The following RNF13 variants were observed in gnomAD, a reference collection of about 807,000 sequenced individuals.
The protein encoded by RNF13 is ring finger protein 13.
RNF13 carries 19 observed loss-of-function variants against 37.7 expected under a neutral mutation model. That is an observed-to-expected ratio of 0.50 (90% confidence interval 0.35 to 0.74). The LOEUF is 0.74. Ranked by LOEUF, RNF13 falls within the 30% of genes least tolerant of loss-of-function variation. RNF13 has a pLI of 0.01. For missense variants in RNF13, 375 were observed against 453.0 expected (o/e 0.83, Z 1.56); for synonymous variants, 144 against 157.8 (o/e 0.91, Z 0.65).
chr3:149,838,719 C>T (rs1410323942), intron 1 of RNF13, among the ~76,000 whole-genome samples: 1 of 152,238 alleles, frequency 6.6e-6, no homozygotes, highest in Non-Finnish European at 1.5e-5. Context: ...GAGAGGCTGC[C>T]ATGACAACCT....
intron 4 of RNF13, among the ~76,000 whole-genome samples, chr3:149,888,935 G>A (rs935373936): frequency 1.3e-5 from 2 of 152,152 alleles, no homozygotes; most frequent in African/African-American, 2.4e-5. Context: ...AAACAACAAG[G>A]TAGCCAGATT....
intron 1 of RNF13, among the ~76,000 whole-genome samples, chr3:149,833,351 A>G (rs1382291498): frequency 6.6e-6 from 1 of 152,092 alleles, no homozygotes; most frequent in African/African-American, 2.4e-5. Flanking sequence ...ATCTCTTATG[A>G]CTGCTGATGT....
chr3:149,942,890 G>A (rs553071837), intron 8 of RNF13, among the ~76,000 whole-genome samples: 1 of 152,026 alleles, frequency 6.6e-6, no homozygotes, highest in Non-Finnish European at 1.5e-5. Flanking sequence ...CTAGTTTATT[G>A]AGTATTTGTG....
intron 8 of RNF13, among the ~76,000 whole-genome samples, chr3:149,941,716 T>C (rs141941168): frequency 6.6e-6 from 1 of 151,878 alleles, no homozygotes; most frequent in Admixed American, 6.6e-5. Flanking sequence ...TATTTTTTTC[T>C]TTTGTTGCCT....
At chr3:149,877,058 G>A (rs1049964379) in intron 4 of RNF13, among the ~76,000 whole-genome samples, 1 of 152,002 alleles carries the variant, frequency 6.6e-6, no homozygotes, top group African/African-American at 2.4e-5. Flanking sequence ...GGGATTACAG[G>A]CGTGAGCCAC....
chr3:149,862,226 T>C (rs1055126090), intron 3 of RNF13, among the ~76,000 whole-genome samples: 4 of 152,108 alleles, frequency 2.6e-5, no homozygotes, highest in African/African-American at 4.8e-5. Context: ...ATTGGACATT[T>C]AGATTGCTTT....
chr3:149,889,541 G>T (rs1714458989), intron 4 of RNF13, among the ~76,000 whole-genome samples: 2 of 149,722 alleles, frequency 1.3e-5, no homozygotes, highest in Non-Finnish European at 3.0e-5. Flanking sequence ...TTGACCTCGT[G>T]ATCTGCCCGA....
In RNF13 at chr3:149,911,983, A is replaced by G. The variant is rs1488679014; in HGVS notation, c.506A>G (p.His169Arg). The change falls in exon 7 of 10, where the codon CAC (histidine) becomes CGC (arginine). Residue 169 changes from histidine (H) to arginine (R), a missense_variant. By Grantham distance (29) the His-to-Arg change is conservative. Transcript: ENST00000392894. ...KDEFTYEKGG[H>R]LILVPEFSLP... ...TGATTTTTGTTTTCTTCTAGGGGCC[A>G]CCTTATCTTAGTTCCAGAATTTAGT... 1 of 1,542,792 alleles carries G rather than the reference A, an allele frequency of 6.5e-7. No individual in the cohort carries two copies. The highest frequency in any genetic ancestry group is 1.1e-5 in the South Asian group (1 of 88,512).
chr3:149,857,744 T>C (rs1226688726), intron 3 of RNF13, among the ~76,000 whole-genome samples: 2 of 152,228 alleles, frequency 1.3e-5, no homozygotes, highest in Non-Finnish European at 2.9e-5. Flanking sequence ...ACTCTATGCT[T>C]AGGAGGCCAA....
At chr3:149,827,759 G>C (rs1309596970) in intron 1 of RNF13, among the ~76,000 whole-genome samples, 20 of 152,150 alleles carry the variant, frequency 1.3e-4, no homozygotes, top group Admixed American at 1.3e-3. Context: ...CTTGTCAAGG[G>C]AGAGTGTGGT....
chr3:149,907,000 G>C (rs1286830965), intron 6 of RNF13, among the ~76,000 whole-genome samples: 1 of 152,054 alleles, frequency 6.6e-6, no homozygotes, highest in African/African-American at 2.4e-5. Flanking sequence ...CAAAATCTAT[G>C]TGAGATAAAC....
intron 8 of RNF13, among the ~76,000 whole-genome samples, chr3:149,942,189 A>C (rs1559966540): frequency 6.6e-6 from 1 of 152,216 alleles, no homozygotes; most frequent in East Asian, 1.9e-4. Flanking sequence ...TTGGCTATTC[A>C]TAGTCCCTTG....
intron 7 of RNF13, 138 bp downstream of exon 7, chr3:149,912,221 A>G (rs1717069099): frequency 5.8e-6 from 3 of 518,422 alleles, no homozygotes; most frequent in African/African-American, 3.9e-5. Context: ...AAGTTCTAGA[A>G]AAAACAAAGA....
At chr3:149,828,466 T>C (rs914657031) in intron 1 of RNF13, among the ~76,000 whole-genome samples, 2 of 152,208 alleles carry the variant, frequency 1.3e-5, no homozygotes, top group Non-Finnish European at 2.9e-5. Flanking sequence ...TTTGATATTT[T>C]GATAATCAAG....
chr3:149,836,060 A>C lies in RNF13; in HGVS notation c.-16-9951A>C, dbSNP rs140598136. On this transcript the variant is annotated intron_variant, in intron 1 of 9. Coordinates refer to ENST00000392894, the MANE Select transcript of RNF13 (RefSeq NM_183381.3). The stretch of plus-strand genomic sequence containing the variant: ...CATCCATGCCAACCTCCATTTTTTA[A>C]AATTTTTTTGATAATGGCCATTCTT... Among the ~76,000 whole-genome samples the C allele has an allele frequency of 3.0e-4, 45 of 152,204 alleles. 1 individual carries two copies. The highest frequency in any genetic ancestry group is 1.0e-3 in the African/African-American group (42 of 41,520).
At chr3:149,945,426 G>C (rs1030260070) in intron 8 of RNF13, among the ~76,000 whole-genome samples, 9 of 152,184 alleles carry the variant, frequency 5.9e-5, no homozygotes, top group African/African-American at 1.9e-4. Flanking sequence ...TAGGAAGCTC[G>C]AACTGGGTGG....
intron 8 of RNF13, among the ~76,000 whole-genome samples, chr3:149,952,038 C>T (rs1214381351): frequency 6.6e-6 from 1 of 152,142 alleles, no homozygotes; most frequent in Non-Finnish European, 1.5e-5. Context: ...TTTCCTTCTC[C>T]TCTTCAACTC....
At chr3:149,938,329 C>T (rs1719910433) in intron 8 of RNF13, among the ~76,000 whole-genome samples, 1 of 151,866 alleles carries the variant, frequency 6.6e-6, no homozygotes, top group South Asian at 2.1e-4. Context: ...AGGTGCAGAC[C>T]ACCATGCCCG....
intron 1 of RNF13, among the ~76,000 whole-genome samples, chr3:149,843,645 T>A (rs1722375809): frequency 6.6e-6 from 1 of 152,236 alleles, no homozygotes; most frequent in Non-Finnish European, 1.5e-5. Flanking sequence ...TTTGAAGCCC[T>A]TGAATACATG....
Sources: allele counts gnomAD v4.1 joint callset (sites outside exome capture counted in the v4.1 genomes callset), GRCh38; gene constraint gnomAD v4.1.1; transcripts MANE v1.5; gene names NCBI Gene and HGNC (gene_info 2026-07-23, HGNC 2026-07-21).